Variants in TGM2 observed in about 807,000 individuals in gnomAD.
The protein encoded by TGM2 is transglutaminase 2.
Under a neutral mutation model 75.6 loss-of-function variants are expected in TGM2, and 53 were observed. The observed-to-expected ratio is 0.70, with a 90% CI of 0.56 to 0.88. The LOEUF is 0.88. Ranked by LOEUF, TGM2 falls within the 40% of genes least tolerant of loss-of-function variation. The pLI, the probability that TGM2 is intolerant of heterozygous loss-of-function variation, is 0.00. For synonymous variants in TGM2, 374 were observed against 381.1 expected, an observed-to-expected ratio of 0.98 and a Z score of 0.22; for missense variants, 842 against 928.5, an observed-to-expected ratio of 0.91 and a Z score of 1.21.
At chr20:38,138,418 G>A in intron 9 of TGM2, 33 bp from the exon 10 acceptor site, 1 of 1,612,772 alleles carries the variant, frequency 6.2e-7, no homozygotes. Flanking sequence ...CTCAATCACA[G>A]CTGGAATAGA....
intron 12 of TGM2, 77 bp from the exon 13 acceptor site, chr20:38,130,446 A>T: frequency 6.7e-7 from 1 of 1,485,452 alleles, no homozygotes; most frequent in South Asian, 1.2e-5. Flanking sequence ...CCAGGAAGTC[A>T]CGTGACCTCC....
In TGM2 at chr20:38,165,206, C is replaced by T. The variant is rs578123158; in HGVS notation, c.-8G>A. 1 of 1,613,130 alleles carries T rather than the reference C, an allele frequency of 6.2e-7. No homozygotes were observed. Among genetic ancestry groups the T allele is most frequent in the African/African-American group, 1.3e-5 (1 of 75,044 alleles). ...ATACTCACCCTCGGCCATGGTCGGGCGGGGGCGGTGGCTCCTTCCACTGGC... is the reference window on the plus strand; with the variant it reads ...ATACTCACCCTCGGCCATGGTCGGGTGGGGGCGGTGGCTCCTTCCACTGGC... On this transcript the variant is annotated 5_prime_UTR_variant, in exon 1 of 13. Transcript: ENST00000361475.
chr20:38,157,591 A>G (rs2075203693), intron 2 of TGM2, among the ~76,000 whole-genome samples: 1 of 152,222 alleles, frequency 6.6e-6, no homozygotes, highest in Non-Finnish European at 1.5e-5. Flanking sequence ...TAGCTTCTCT[A>G]TGCCACAGTT....
chr20:38,155,678 G>C (rs1188836836), intron 3 of TGM2, among the ~76,000 whole-genome samples, 169 bp downstream of exon 3: 1 of 152,194 alleles, frequency 6.6e-6, no homozygotes, highest in Non-Finnish European at 1.5e-5. Context: ...GGGATAACAG[G>C]AGTACTCATG....
intron 11 of TGM2, 112 bp from the exon 12 acceptor site, chr20:38,131,341 C>A: frequency 7.0e-7 from 1 of 1,434,842 alleles, no homozygotes; most frequent in Non-Finnish European, 9.5e-7. Flanking sequence ...CCCAGGTCTG[C>A]CACGATCACC....
chr20:38,148,973 C>A (rs1204401260), intron 4 of TGM2, among the ~76,000 whole-genome samples: 1 of 152,218 alleles, frequency 6.6e-6, no homozygotes, highest in African/African-American at 2.4e-5. Flanking sequence ...CAGCCTTCCA[C>A]GGTGTGAACC....
rs150186613 is a variant in TGM2, at chr20:38,130,278, C to T, written c.2005G>A (p.Glu669Lys). The change falls in exon 13 of 13, where the codon GAG becomes AAG. Residue 669 changes from glutamate to lysine, a missense_variant. Coordinates refer to ENST00000361475, the MANE Select transcript of TGM2 (RefSeq NM_004613.4). ...MGLHKLVVNFESDKLKAVKGF... is the reference protein window; with the variant it reads ...MGLHKLVVNFKSDKLKAVKGF... ...TTCACAGCCTTCAGCTTGTCGCTCT[C>T]GAAGTTCACCACCAGCTTGTGGAGG... The T allele has an allele frequency of 2.4e-4, 391 of 1,613,044 alleles. No homozygotes were observed. The highest frequency in any genetic ancestry group is 3.0e-4 in the Non-Finnish European group (350 of 1,179,792).
chr20:38,136,180 G>A (rs1209689525), intron 10 of TGM2, among the ~76,000 whole-genome samples: 1 of 152,182 alleles, frequency 6.6e-6, no homozygotes, highest in East Asian at 1.9e-4. Flanking sequence ...GCAGCTCCAG[G>A]AGTGCCCACG....
Position 38,128,526 on chromosome 20 carries a change from C to T in TGM2, c.*1693G>A, listed in dbSNP as rs1212472183. 6.6e-6 allele frequency: 1 copy of T among 152,248 alleles called. No individual in the cohort carries two copies. Among genetic ancestry groups the T allele is most frequent in the Non-Finnish European group, 1.5e-5 (1 of 68,044 alleles). The allele number at this position is 152,248 out of a possible 1,614,324, so 9.4% of individuals were successfully genotyped here. ...TCCTTGCGGTTCAGAAGCACATCTA[C>T]TGCCTGGTTGGAACCCAAGGCTTTT... On this transcript the variant is annotated 3_prime_UTR_variant, in exon 13 of 13. Coordinates refer to ENST00000361475, the MANE Select transcript of TGM2 (RefSeq NM_004613.4).
At chr20:38,148,331 G>T (rs2075072221) in intron 4 of TGM2, among the ~76,000 whole-genome samples, 1 of 152,172 alleles carries the variant, frequency 6.6e-6, no homozygotes, top group African/African-American at 2.4e-5. Context: ...TTCATCCAGG[G>T]CCTGGTTGGG....
chr20:38,128,655 C>T lies in TGM2; in HGVS notation c.*1564G>A, dbSNP rs936593420. On this transcript the variant is annotated 3_prime_UTR_variant, in exon 13 of 13. Coordinates refer to ENST00000361475, the MANE Select transcript of TGM2 (RefSeq NM_004613.4). ...AAGCAGAAAGTTCTAAATGCAACAG[C>T]ATGATTCTCTCCAAGTCCTTCCCTG... 6.6e-6 allele frequency: 1 copy of T among 152,218 alleles called. No individual in the cohort carries two copies. The highest frequency in any genetic ancestry group is 2.4e-5 in the African/African-American group (1 of 41,450). The allele number at this position is 152,218 out of a possible 1,614,324, so 9.4% of individuals were successfully genotyped here. A position where few individuals can be genotyped will look rare whatever the true frequency, so the allele number is the denominator to read the frequency against.
At chr20:38,149,690 A>AAAAAAAAAAAAAAAC (rs1457426013) in intron 4 of TGM2, among the ~76,000 whole-genome samples, 9 of 149,004 alleles carry the variant, frequency 6.0e-5, no homozygotes, top group African/African-American at 2.0e-4. Context: ...AAAAAAAAAA[A>AAAAAAAAAAAAAAAC]AAAAAAAAAA....
chr20:38,141,994 G>T, intron 7 of TGM2, 70 bp downstream of exon 7: 1 of 1,589,082 alleles, frequency 6.3e-7, no homozygotes. Flanking sequence ...CCTCCAAGAA[G>T]CCCTCCAAGG....
Position 38,139,451 on chromosome 20 carries a change from C to A in TGM2, c.1303G>T (p.Glu435Ter), listed in dbSNP as rs567882329. Residue 435 changes from glutamate (E) to a stop codon, truncating the protein, a stop_gained, in exon 9 of 13, where the codon GAG becomes TAG. Coordinates refer to ENST00000361475, the MANE Select transcript of TGM2 (RefSeq NM_004613.4). LOFTEE classifies it high-confidence loss of function. ...TAGGTGTGGGTGATATCCTCCCGCT[C>A]GTCTCGGCCCACGCTCTTAGTGCTG... ...KISTKSVGRD[E>*]REDITHTYKY... 92 of 1,614,062 alleles carry A rather than the reference C, an allele frequency of 5.7e-5. No homozygotes were observed. The South Asian group carries it at 9.7e-4, about 17-fold the overall frequency.
chr20:38,149,798 G>A (rs142172769), intron 4 of TGM2, among the ~76,000 whole-genome samples: 65 of 151,668 alleles, frequency 4.3e-4, no homozygotes, highest in African/African-American at 1.5e-3. Flanking sequence ...ATTTTCTGAT[G>A]TATTTTATGC....
rs769505379 is a variant in TGM2, at chr20:38,146,871, A to T, written c.705T>A (p.Gly235=). Residue 235 remains glycine (G), a synonymous_variant, in exon 6 of 13, where the codon GGT becomes GGA. Coordinates refer to ENST00000361475, the MANE Select transcript of TGM2 (RefSeq NM_004613.4). Reference sequence around the variant, plus strand: ...TGTTGTCCCAGCGTCCCAGCAGCACACCCTGGTCATCGTTGCAGTTGACCT... The same window carrying T: ...TGTTGTCCCAGCGTCCCAGCAGCACTCCCTGGTCATCGTTGCAGTTGACCT... ...SGMVNCNDDQ[G]VLLGRWDNNY... 39 of 1,613,552 alleles carry T rather than the reference A, an allele frequency of 2.4e-5. No homozygotes were observed. The South Asian group carries it at 4.3e-4, about 18-fold the overall frequency.
rs1172525605 is a variant in TGM2, at chr20:38,164,551, A to G, written c.10+638T>C. Among the ~76,000 whole-genome samples the G allele has an allele frequency of 5.9e-5, 9 of 152,296 alleles. No individual in the cohort carries two copies. The East Asian group carries it at 1.5e-3, about 26-fold the overall frequency. ...AGGACCAGGGCACGGTCAGGGTGAC[A>G]GATGGGTGGGGGTCTTGGGGGAAAA... On this transcript the variant is annotated intron_variant, in intron 1 of 12. Coordinates refer to ENST00000361475, the MANE Select transcript of TGM2 (RefSeq NM_004613.4).
intron 10 of TGM2, among the ~76,000 whole-genome samples, chr20:38,134,127 G>A (rs897367779): frequency 6.6e-5 from 10 of 152,100 alleles, no homozygotes; most frequent in African/African-American, 1.9e-4. Context: ...ATTGAGACCC[G>A]AGGAGACAGT....
At chr20:38,132,619 T>C (rs2074848958) in intron 10 of TGM2, 119 bp from the exon 11 acceptor site, 6 of 1,373,044 alleles carry the variant, frequency 4.4e-6, no homozygotes, top group African/African-American at 1.4e-5. Context: ...AGCGGGGGAA[T>C]GGCTGGGCGG....
Sources: gnomAD v4.1 joint callset for allele counts (sites outside exome capture counted in the v4.1 genomes callset) on GRCh38, gnomAD v4.1.1 for gene constraint, MANE v1.5 for transcripts, NCBI Gene and HGNC (gene_info 2026-07-23, HGNC 2026-07-21) for gene names.